The following NRG1 variants were observed in gnomAD, a reference collection of about 807,000 sequenced individuals.
The protein encoded by NRG1 is pro-neuregulin-1, membrane-bound isoform.
Under a neutral mutation model 63.8 loss-of-function variants are expected in NRG1, and 18 were observed. That is an observed-to-expected ratio of 0.28 (90% CI 0.19 to 0.42). The LOEUF (loss-of-function observed/expected upper bound fraction) is 0.42, where lower values mean the gene tolerates loss of function less well. Ranked by LOEUF, NRG1 falls within the 10% of genes least tolerant of loss-of-function variation. The probability of loss-of-function intolerance (pLI) is 1.00; values close to 1 mark genes in which losing one functional copy is unlikely to be tolerated. For missense variants in NRG1, 762 were observed against 814.7 expected, an observed-to-expected ratio of 0.94 and a Z score of 0.79; for synonymous variants, 302 against 301.3, an observed-to-expected ratio of 1.00 and a Z score of -0.02.
chr8:32,570,393 A>G (rs1003887273), intron 1 of NRG1, among the ~76,000 whole-genome samples: 3 of 152,192 alleles, frequency 2.0e-5, no homozygotes, highest in Admixed American at 6.5e-5. Context: ...TAGAACAGAC[A>G]TGATTCTTAT....
chr8:32,158,408 C>T (rs572279512), intron 1 of NRG1, among the ~76,000 whole-genome samples: 117 of 118,542 alleles, frequency 9.9e-4, no homozygotes, highest in African/African-American at 3.2e-3. Flanking sequence ...CTCCCACCCC[C>T]AAAAATAGAG....
At position 32,593,120 on chromosome 8, in the gene NRG1, A is replaced by C. The variant is rs536534034; in HGVS notation, c.101-2708A>C. 9.2e-5 allele frequency among the ~76,000 whole-genome samples: 14 copies of C among 152,210 alleles called. No homozygotes were observed. In the East Asian group the frequency reaches 2.5e-3, roughly 27 times the overall value. On this transcript the variant is annotated intron_variant, in intron 1 of 11. Coordinates refer to ENST00000356819, the Ensembl canonical transcript of NRG1. The stretch of plus-strand genomic sequence containing the variant: ...TGAGGAGGAAGAGGAAGAGGCGGGC[A>C]TTGGTCTTGCTGTCTCAGGGGCAGC...
intron 5 of NRG1, among the ~76,000 whole-genome samples, chr8:32,714,631 T>C (rs917292513): frequency 6.6e-6 from 1 of 152,208 alleles, no homozygotes; most frequent in Non-Finnish European, 1.5e-5. Flanking sequence ...TACATGCTTA[T>C]TTATCAGTGA....
intron 3 of NRG1, among the ~76,000 whole-genome samples, chr8:32,612,477 T>G (rs2129541260): frequency 6.6e-6 from 1 of 152,182 alleles, no homozygotes; most frequent in South Asian, 2.1e-4. Context: ...CCATAATCAT[T>G]AAAGATATTT....
At chr8:32,194,424 T>C (rs1237789981) in intron 1 of NRG1, among the ~76,000 whole-genome samples, 4 of 152,166 alleles carry the variant, frequency 2.6e-5, no homozygotes. Flanking sequence ...AAGAATGGCA[T>C]GCCACATCAT....
intron 1 of NRG1, among the ~76,000 whole-genome samples, chr8:31,719,726 A>T (rs566114130): frequency 5.3e-5 from 8 of 152,280 alleles, no homozygotes; most frequent in African/African-American, 1.9e-4. Flanking sequence ...CTGGGGCATA[A>T]ATGCTTGAGG....
At chr8:32,593,783 CAG>C (rs1842898317) in intron 1 of NRG1, among the ~76,000 whole-genome samples, 2 of 138,914 alleles carry the variant, frequency 1.4e-5, no homozygotes, top group African/African-American at 5.4e-5. Context: ...ACCTGCAAAA[CAG>C]AGATTCATGA....
intron 5 of NRG1, among the ~76,000 whole-genome samples, chr8:32,697,846 A>G (rs1041488845): frequency 6.6e-6 from 1 of 152,224 alleles, no homozygotes; most frequent in African/African-American, 2.4e-5. Context: ...ATTAAGAATT[A>G]GAAAAACAAA....
intron 1 of NRG1, among the ~76,000 whole-genome samples, chr8:32,437,073 G>GA (rs142781212): frequency 0.031 from 4,674 of 152,172 alleles, 111 homozygotes; most frequent in Non-Finnish European, 0.049. Context: ...CAATGGGAGA[G>GA]ATATTTGGCC....
intron 1 of NRG1, among the ~76,000 whole-genome samples, chr8:32,175,901 T>C: frequency 6.6e-6 from 1 of 152,100 alleles, no homozygotes; most frequent in Non-Finnish European, 1.5e-5. Flanking sequence ...AAAATGGCCA[T>C]ACTGCCAAAG....
intron 1 of NRG1, among the ~76,000 whole-genome samples, chr8:32,158,593 G>T (rs1838443685): frequency 6.6e-6 from 1 of 150,748 alleles, no homozygotes; most frequent in South Asian, 2.1e-4. Context: ...GAAAAATTTG[G>T]CCAAGAGATA....
chr8:32,053,704 A>T (rs1822371880), intron 1 of NRG1, among the ~76,000 whole-genome samples: 1 of 152,212 alleles, frequency 6.6e-6, no homozygotes, highest in Non-Finnish European at 1.5e-5. Flanking sequence ...CTGTTGTTAT[A>T]ACAGTTTCTA....
chr8:32,280,144 T>C (rs900812294), intron 1 of NRG1, among the ~76,000 whole-genome samples: 1 of 152,266 alleles, frequency 6.6e-6, no homozygotes, highest in African/African-American at 2.4e-5. Context: ...CATTTGTCTG[T>C]ACAAGTTACA....
At chr8:32,144,099 C>G (rs757480554) in intron 1 of NRG1, among the ~76,000 whole-genome samples, 1 of 152,212 alleles carries the variant, frequency 6.6e-6, no homozygotes, top group Non-Finnish European at 1.5e-5. Context: ...ACAGGCCAAT[C>G]GGCAGTGGAG....
intron 1 of NRG1, among the ~76,000 whole-genome samples, chr8:31,808,106 G>A (rs1328682693): frequency 6.6e-6 from 1 of 151,326 alleles, no homozygotes; most frequent in African/African-American, 2.4e-5. Context: ...TCTTTTAACT[G>A]GAATTATTTT....
chr8:32,408,685 A>G (rs1814451256), intron 1 of NRG1, among the ~76,000 whole-genome samples: 1 of 152,202 alleles, frequency 6.6e-6, no homozygotes, highest in South Asian at 2.1e-4. Flanking sequence ...TCATACCTGA[A>G]TGCACACAGG....
intron 1 of NRG1, among the ~76,000 whole-genome samples, chr8:32,068,995 G>A (rs1027837894): frequency 5.9e-5 from 9 of 152,136 alleles, no homozygotes; most frequent in Middle Eastern, 3.2e-3. Flanking sequence ...AACTTAAACC[G>A]TGAGGAGGAT....
intron 1 of NRG1, among the ~76,000 whole-genome samples, chr8:32,180,062 T>C (rs987222968): frequency 1.3e-5 from 2 of 152,278 alleles, no homozygotes; most frequent in African/African-American, 4.8e-5. Flanking sequence ...CTTTTATTTG[T>C]TAATACTCTT....
At chr8:31,799,819 C>T (rs770239224) in intron 1 of NRG1, among the ~76,000 whole-genome samples, 10 of 151,896 alleles carry the variant, frequency 6.6e-5, no homozygotes, top group Non-Finnish European at 1.0e-4. Flanking sequence ...CTATTAATAC[C>T]GTCACAGCTC....
Sources: gnomAD v4.1 joint callset for allele counts (sites outside exome capture counted in the v4.1 genomes callset) on GRCh38, gnomAD v4.1.1 for gene constraint, MANE v1.5 for transcripts, NCBI Gene and HGNC (gene_info 2026-07-23, HGNC 2026-07-21) for gene names.